RSRC1: variants seen among roughly 807,000 people sequenced by gnomAD.
The protein encoded by RSRC1 is arginine and serine rich coiled-coil 1.
A neutral mutation model predicts 49.1 loss-of-function variants in RSRC1; 39 were observed. That is an observed-to-expected ratio of 0.79 (90% CI 0.61 to 1.04). The LOEUF (loss-of-function observed/expected upper bound fraction) is 1.04. Ranked by LOEUF, RSRC1 falls within the 50% of genes least tolerant of loss-of-function variation. The pLI is 0.00. For synonymous variants in RSRC1, 143 were observed against 130.8 expected, an observed-to-expected ratio of 1.09 and a Z score of -0.63; for missense variants, 388 against 402.4, an observed-to-expected ratio of 0.96 and a Z score of 0.31.
intron 5 of RSRC1, among the ~76,000 whole-genome samples, chr3:158,299,312 TTTTTTA>T (rs1317598652): frequency 6.6e-6 from 1 of 151,920 alleles, no homozygotes; most frequent in African/African-American, 2.4e-5. Context: ...GTGTCTTTTA[TTTTTTA>T]TTTTTATTTA....
chr3:158,435,859 A>G (rs1165607313), intron 6 of RSRC1, among the ~76,000 whole-genome samples: 2 of 151,768 alleles, frequency 1.3e-5, no homozygotes, highest in Admixed American at 6.6e-5. Flanking sequence ...TTATATATCC[A>G]CACATATATC....
chr3:158,177,544 A>G (rs1277859933), intron 3 of RSRC1, among the ~76,000 whole-genome samples: 1 of 152,144 alleles, frequency 6.6e-6, no homozygotes, highest in African/African-American at 2.4e-5. Context: ...TCACAAGGAC[A>G]GAAAACCAAA....
At chr3:158,240,449 T>C (rs543140548) in intron 4 of RSRC1, among the ~76,000 whole-genome samples, 1 of 152,308 alleles carries the variant, frequency 6.6e-6, no homozygotes, top group Non-Finnish European at 1.5e-5. Flanking sequence ...TTTTCTGTTA[T>C]TAATCTGTCC....
chr3:158,354,793 C>G, intron 5 of RSRC1, 64 bp from the exon 6 acceptor site: 1 of 1,184,584 alleles, frequency 8.4e-7, no homozygotes, highest in South Asian at 1.5e-5. Flanking sequence ...ATTTAAAACT[C>G]CATCAATTAA....
At chr3:158,469,242 A>G (rs912417956) in intron 7 of RSRC1, 1 of 334,506 alleles carries the variant, frequency 3.0e-6, no homozygotes, top group Admixed American at 4.0e-5. Context: ...AAACTACATT[A>G]TGTTTTATAG....
chr3:158,477,142 A>G (rs6804401), intron 7 of RSRC1, among the ~76,000 whole-genome samples: 31,155 of 152,106 alleles, frequency 0.2, 3,763 homozygotes, highest in African/African-American at 0.34. Flanking sequence ...ATGAGCAAAG[A>G]AAGTGGTTCC....
At chr3:158,156,259 G>A (rs1717873756) in intron 3 of RSRC1, among the ~76,000 whole-genome samples, 1 of 152,098 alleles carries the variant, frequency 6.6e-6, no homozygotes, top group Non-Finnish European at 1.5e-5. Context: ...CTTTTCTTTT[G>A]TAGCTTTCTC....
intron 6 of RSRC1, among the ~76,000 whole-genome samples, chr3:158,377,155 T>C (rs1732422372): frequency 6.6e-6 from 1 of 152,234 alleles, no homozygotes; most frequent in African/African-American, 2.4e-5. Flanking sequence ...ATGGTTCTCA[T>C]TAGTTTGAAT....
intron 7 of RSRC1, among the ~76,000 whole-genome samples, chr3:158,462,178 A>G (rs142988166): frequency 3.9e-4 from 59 of 151,952 alleles, no homozygotes; most frequent in African/African-American, 1.3e-3. Flanking sequence ...TGAGAAAAAA[A>G]TGAATTTCAG....
At chr3:158,110,734 G>A (rs1714330981) in intron 1 of RSRC1, 1 of 152,616 alleles carries the variant, frequency 6.6e-6, no homozygotes, top group Non-Finnish European at 1.5e-5. Context: ...CTTGCTGAGA[G>A]AAGTGGTGCA....
rs1713277717 is a variant in RSRC1, at chr3:158,545,219, T to TTTTTTTTTTG, written c.*944_*945insTTTTTTTTTG. On this transcript the variant is annotated 3_prime_UTR_variant, in exon 10 of 10. Coordinates refer to ENST00000611884, the MANE Select transcript of RSRC1 (RefSeq NM_001271838.2). ...TTTTTTTTTTTTTTTTTTTTTTTTTTGAGACGGAGTCTCGCTCTATCCCCC... is the reference window on the plus strand; with the variant it reads ...TTTTTTTTTTTTTTTTTTTTTTTTTTTTTTTTTTTGGAGACGGAGTCTCGCTCTATCCCCC... The TTTTTTTTTTG allele has an allele frequency of 7.2e-6, 1 of 138,836 alleles. No homozygotes were observed. The allele number at this position is 138,836 out of a possible 1,614,324, so 8.6% of individuals were successfully genotyped here. A position where few individuals can be genotyped will look rare whatever the true frequency, so the allele number is the denominator to read the frequency against.
chr3:158,180,134 CAT>C (rs1487474752), intron 3 of RSRC1, among the ~76,000 whole-genome samples: 4 of 151,916 alleles, frequency 2.6e-5, no homozygotes, highest in Non-Finnish European at 5.9e-5. Flanking sequence ...TTACTTAAAA[CAT>C]ATTTTCTCCT....
intron 3 of RSRC1, among the ~76,000 whole-genome samples, chr3:158,194,741 G>A (rs1033250531): frequency 2.7e-5 from 4 of 146,128 alleles, no homozygotes; most frequent in Non-Finnish European, 4.4e-5. Context: ...GTAAGAACAT[G>A]TGCTGTTTGG....
At chr3:158,246,016 G>A (rs1215342073) in intron 4 of RSRC1, among the ~76,000 whole-genome samples, 9 of 151,964 alleles carry the variant, frequency 5.9e-5, no homozygotes, top group Non-Finnish European at 1.3e-4. Context: ...TCTTTCATTG[G>A]GGCATTTATA....
intron 7 of RSRC1, among the ~76,000 whole-genome samples, chr3:158,518,445 C>G (rs1223665473): frequency 7.4e-6 from 1 of 134,500 alleles, no homozygotes; most frequent in East Asian, 2.1e-4. Context: ...CATTTTGGGT[C>G]ATAGATTTTC....
At position 158,545,226 on chromosome 3, in the gene RSRC1, G is replaced by T. The variant is rs1187199901; in HGVS notation, c.*951G>T. On this transcript the variant is annotated 3_prime_UTR_variant, in exon 10 of 10. Coordinates refer to ENST00000611884, the MANE Select transcript of RSRC1 (RefSeq NM_001271838.2). Reference sequence around the variant, plus strand: ...TTTTTTTTTTTTTTTTTTTGAGACGGAGTCTCGCTCTATCCCCCATGCTGG... The same window carrying T: ...TTTTTTTTTTTTTTTTTTTGAGACGTAGTCTCGCTCTATCCCCCATGCTGG... The T allele has an allele frequency of 2.6e-5, 2 of 77,740 alleles. No individual in the cohort carries two copies. Among genetic ancestry groups the T allele is most frequent in the South Asian group, 5.1e-4 (1 of 1,980 alleles). The allele number at this position is 77,740 out of a possible 1,614,324, so 4.8% of individuals were successfully genotyped here.
At chr3:158,124,284 C>T (rs9872033) in intron 3 of RSRC1, among the ~76,000 whole-genome samples, 7 of 151,998 alleles carry the variant, frequency 4.6e-5, no homozygotes, top group South Asian at 2.1e-4. Flanking sequence ...TTTTTCAGCC[C>T]GGTGGTGGTA....
At chr3:158,157,398 G>T (rs905654055) in intron 3 of RSRC1, among the ~76,000 whole-genome samples, 1 of 152,188 alleles carries the variant, frequency 6.6e-6, no homozygotes, top group Admixed American at 6.5e-5. Flanking sequence ...AGTGGAACTA[G>T]GATTTTTGAA....
At chr3:158,339,602 T>C (rs1020499908) in intron 5 of RSRC1, among the ~76,000 whole-genome samples, 5 of 152,198 alleles carry the variant, frequency 3.3e-5, no homozygotes, top group Non-Finnish European at 7.3e-5. Context: ...TCCTAAGAGA[T>C]AGATTTCAGT....
Sources: allele counts gnomAD v4.1 joint callset (sites outside exome capture counted in the v4.1 genomes callset), GRCh38; gene constraint gnomAD v4.1.1; transcripts MANE v1.5; gene names NCBI Gene and HGNC (gene_info 2026-07-23, HGNC 2026-07-21).